The following DNAJB6 variants were observed in gnomAD, a reference collection of about 807,000 sequenced individuals.
The protein encoded by DNAJB6 is dnaJ homolog subfamily B member 6.
In DNAJB6, 16 loss-of-function variants were observed where a neutral mutation model predicts 42.7. The observed-to-expected ratio is 0.37, with a 90% confidence interval of 0.25 to 0.57. The LOEUF (loss-of-function observed/expected upper bound fraction) is 0.57. Among genes scored for constraint, DNAJB6 ranks in the 20% least tolerant of loss-of-function variants. The pLI is 0.74. For missense variants in DNAJB6, 347 were observed against 416.8 expected (o/e 0.83, Z 1.46); for synonymous variants, 170 against 163.5 (o/e 1.04, Z -0.30).
rs1377762197 is a variant in DNAJB6 at position 157,409,819 on chromosome 7, C to T, written c.716C>T (p.Ala239Val). 6.5e-7 allele frequency: 1 copy of T among 1,531,740 alleles called. No individual in the cohort carries two copies. Among genetic ancestry groups the T allele is most frequent in the Non-Finnish European group, 8.7e-7 (1 of 1,144,272 alleles). The allele number at this position is 1,531,740 out of a possible 1,614,324, so 94.9% of individuals were successfully genotyped here. A position where few individuals can be genotyped will look rare whatever the true frequency, so the allele number is the denominator to read the frequency against. The change falls in exon 9 of 10, where the codon GCT (alanine) becomes GTT (valine). Residue 239 changes from alanine to valine, a missense_variant. Physicochemically the swap from Ala to Val is moderately conservative, Grantham distance 64 (BLOSUM62 0). Around this residue, in one of 3 missense-constraint regions of DNAJB6, gnomAD observed 264 missense variants for 288.0 expected, o/e 0.92. Transcript: ENST00000262177. Reference sequence around the variant, plus strand: ...GGTGTGGCCGACGACGATGCCCTCGCTGAGGAGCGCATGCGGAGAGGCCAG... The same window carrying T: ...GGTGTGGCCGACGACGATGCCCTCGTTGAGGAGCGCATGCGGAGAGGCCAG... ...INGVADDDAL[A>V]EERMRRGQNA...
At chr7:157,408,633 C>A (rs1482648338) in intron 8 of DNAJB6, among the ~76,000 whole-genome samples, 1 of 152,256 alleles carries the variant, frequency 6.6e-6, no homozygotes, top group Non-Finnish European at 1.5e-5. Context: ...GGAGCCCGTT[C>A]TCTCTGTTGT....
At chr7:157,356,079 G>C (rs914670932) in intron 1 of DNAJB6, among the ~76,000 whole-genome samples, 1 of 152,212 alleles carries the variant, frequency 6.6e-6, no homozygotes, top group East Asian at 1.9e-4. Flanking sequence ...GTGGCACATT[G>C]AATGGCCTCT....
intron 8 of DNAJB6, among the ~76,000 whole-genome samples, chr7:157,387,869 G>A (rs1166839654): frequency 6.6e-6 from 1 of 151,914 alleles, no homozygotes; most frequent in Non-Finnish European, 1.5e-5. Flanking sequence ...TTTTTGAGAC[G>A]GAGTCTTGCT....
intron 8 of DNAJB6, among the ~76,000 whole-genome samples, chr7:157,406,832 C>G (rs1795783711): frequency 6.6e-6 from 1 of 152,264 alleles, no homozygotes; most frequent in Non-Finnish European, 1.5e-5. Context: ...AGTCTTAAGT[C>G]TCAGCGGGGC....
At chr7:157,357,893 C>G (rs751351964) in intron 1 of DNAJB6, among the ~76,000 whole-genome samples, 3 of 152,162 alleles carry the variant, frequency 2.0e-5, no homozygotes, top group Non-Finnish European at 4.4e-5. Context: ...GTGATACTAT[C>G]TAATTAGTGT....
At chr7:157,341,493 A>G (rs759775664) in intron 1 of DNAJB6, among the ~76,000 whole-genome samples, 3 of 152,184 alleles carry the variant, frequency 2.0e-5, no homozygotes, top group Admixed American at 6.5e-5. Context: ...TTTACACTAC[A>G]TATGATTTTT....
chr7:157,355,126 G>A (rs985201326), intron 1 of DNAJB6, among the ~76,000 whole-genome samples: 6 of 152,156 alleles, frequency 3.9e-5, no homozygotes, highest in Admixed American at 3.3e-4. Context: ...TTGGCCTTGA[G>A]CCTTTAGCGT....
In DNAJB6 at chr7:157,376,835, G is replaced by T. The variant is rs146198847; in HGVS notation, c.347-5411G>T. ...GCAGAGGTTGCAGTGAGCCAAGATC[G>T]CGCCACTACACTCCAGCCTGGGCGA... On this transcript the variant is annotated intron_variant, in intron 5 of 9. Transcript: ENST00000262177. Among the ~76,000 whole-genome samples the T allele has an allele frequency of 0.015, 2,327 of 152,252 alleles. 129 individuals are homozygous for T. The East Asian group carries it at 0.18, about 12-fold the overall frequency.
intron 5 of DNAJB6, chr7:157,369,458 T>C: frequency 2.2e-6 from 1 of 456,360 alleles, no homozygotes; most frequent in Non-Finnish European, 4.4e-6. Context: ...CCATGGCTTC[T>C]CTTCTGGGGC....
intron 5 of DNAJB6, 26 bp downstream of exon 5, chr7:157,367,509 G>C: frequency 7.3e-7 from 1 of 1,365,118 alleles, no homozygotes; most frequent in Non-Finnish European, 1.0e-6. Flanking sequence ...GGGTTGACTT[G>C]GTGTGTGTCC....
intron 5 of DNAJB6, among the ~76,000 whole-genome samples, chr7:157,374,050 C>T (rs28507934): frequency 0.044 from 6,745 of 152,054 alleles, 162 homozygotes; most frequent in African/African-American, 0.063. Context: ...AAAATGAAAC[C>T]GTGATGTACG....
At chr7:157,360,005 A>G (rs1158265970) in intron 2 of DNAJB6, among the ~76,000 whole-genome samples, 2 of 152,234 alleles carry the variant, frequency 1.3e-5, no homozygotes, top group East Asian at 3.8e-4. Flanking sequence ...TATTCTTATC[A>G]GTAATGTTAA....
intron 8 of DNAJB6, among the ~76,000 whole-genome samples, chr7:157,389,524 A>G (rs751282917): frequency 8.5e-5 from 13 of 152,306 alleles, no homozygotes; most frequent in Non-Finnish European, 1.9e-4. Context: ...TATTTTTAAA[A>G]ACGAAGGCAT....
intron 4 of DNAJB6, 78 bp from the exon 5 acceptor site, chr7:157,367,292 TATA>T: frequency 8.5e-6 from 8 of 939,098 alleles, no homozygotes; most frequent in African/African-American, 1.6e-5. Context: ...TCATGATTTG[TATA>T]ATGTTTTGTC....
At chr7:157,415,593 G>C in intron 9 of DNAJB6, 1 of 192,502 alleles carries the variant, frequency 5.2e-6, no homozygotes. Context: ...GGGGTTCCGG[G>C]ACTGAGGTGC....
At chr7:157,347,035 T>G (rs971417489) in intron 1 of DNAJB6, among the ~76,000 whole-genome samples, 1 of 152,116 alleles carries the variant, frequency 6.6e-6, no homozygotes, top group Non-Finnish European at 1.5e-5. Context: ...TTTTCTATTT[T>G]TAGTAGAGAC....
chr7:157,343,225 A>G (rs1013782047), intron 1 of DNAJB6, among the ~76,000 whole-genome samples: 5 of 151,214 alleles, frequency 3.3e-5, no homozygotes, highest in Non-Finnish European at 7.4e-5. Flanking sequence ...CAGTGGCACT[A>G]TCTTGGCTCA....
intron 8 of DNAJB6, among the ~76,000 whole-genome samples, chr7:157,406,734 T>C (rs981804498): frequency 6.6e-6 from 1 of 152,196 alleles, no homozygotes; most frequent in Non-Finnish European, 1.5e-5. Context: ...GCAACATCCA[T>C]GCCTGCCTGG....
chr7:157,410,410 C>G (rs1386792159), intron 9 of DNAJB6: 1 of 344,670 alleles, frequency 2.9e-6, no homozygotes, highest in African/African-American at 2.1e-5. Flanking sequence ...GTCAGCTTCA[C>G]CTTCTCGTGC....
Sources: allele counts gnomAD v4.1 joint callset (sites outside exome capture counted in the v4.1 genomes callset), GRCh38; gene constraint gnomAD v4.1.1; regional missense constraint gnomAD v4.1.1; transcripts MANE v1.5; gene names NCBI Gene and HGNC (gene_info 2026-07-23, HGNC 2026-07-21).